Variants in ABCB1 observed in about 807,000 individuals in gnomAD.
ABCB1 encodes ATP binding cassette subfamily B member 1, also known as ATP-dependent translocase ABCB1.
In ABCB1, 69 loss-of-function variants were observed where a neutral mutation model predicts 142.0. The ratio of observed to expected loss-of-function variants is 0.49; its 90% CI spans 0.40 to 0.59. The LOEUF is 0.59. Among genes scored for constraint, ABCB1 ranks in the 20% least tolerant of loss-of-function variants. The pLI is 0.00. For synonymous variants in ABCB1, 532 were observed against 539.2 expected, an observed-to-expected ratio of 0.99 and a Z score of 0.18; for missense variants, 1,326 against 1,554.7, an observed-to-expected ratio of 0.85 and a Z score of 2.47.
chr7:87,507,676 C>T (rs753447487), intron 26 of ABCB1, among the ~76,000 whole-genome samples: 11 of 152,088 alleles, frequency 7.2e-5, no homozygotes, highest in Non-Finnish European at 1.6e-4. Flanking sequence ...TGTTGCTTGC[C>T]TGCCTCGTGA....
intron 1 of ABCB1, among the ~76,000 whole-genome samples, chr7:87,688,788 A>C (rs1827729416): frequency 6.6e-6 from 1 of 151,920 alleles, no homozygotes; most frequent in African/African-American, 2.4e-5. Flanking sequence ...CTTCTGTTTG[A>C]GTCATATTAT....
chr7:87,622,205 T>C (rs572208410), intron 1 of ABCB1, among the ~76,000 whole-genome samples: 2 of 152,256 alleles, frequency 1.3e-5, no homozygotes, highest in South Asian at 4.1e-4. Flanking sequence ...GGAAAAGTAT[T>C]TGCCATACAT....
chr7:87,680,216 T>C (rs1826789256), intron 1 of ABCB1, among the ~76,000 whole-genome samples: 2 of 150,480 alleles, frequency 1.3e-5, no homozygotes, highest in Non-Finnish European at 1.5e-5. Flanking sequence ...TCATCCCTTT[T>C]TGTGGCTGCG....
At chr7:87,639,301 C>A (rs1822194259) in intron 1 of ABCB1, among the ~76,000 whole-genome samples, 1 of 151,778 alleles carries the variant, frequency 6.6e-6, no homozygotes, top group African/African-American at 2.4e-5. Context: ...TTTGTTGATG[C>A]TTTATGATGC....
intron 5 of ABCB1, among the ~76,000 whole-genome samples, chr7:87,568,266 T>A (rs1160270119): frequency 2.1e-5 from 3 of 145,644 alleles, no homozygotes; most frequent in African/African-American, 7.7e-5. Context: ...ATAATAATAA[T>A]AAAAATTAGC....
chr7:87,506,867 C>G (rs28401817), intron 26 of ABCB1, among the ~76,000 whole-genome samples: 3 of 152,140 alleles, frequency 2.0e-5, no homozygotes, highest in African/African-American at 7.2e-5. Flanking sequence ...CCCTGGGTTT[C>G]CCCCTGTAAA....
At chr7:87,626,035 G>T (rs1402056954) in intron 1 of ABCB1, among the ~76,000 whole-genome samples, 2 of 145,152 alleles carry the variant, frequency 1.4e-5, no homozygotes, top group Admixed American at 6.9e-5. Context: ...GAGAGAGAGA[G>T]AGAGAGAGAG....
At position 87,538,384 on chromosome 7, in the gene ABCB1, A is replaced by G. The variant is rs185244500; in HGVS notation, c.2397+884T>C. On this transcript the variant is annotated intron_variant, in intron 19 of 27. Transcript: ENST00000622132. ...TCACTAGCTAGCAATTCCCATAAAT[A>G]CATTTTCTTTCTAAATGGTGATGGG... Among the ~76,000 whole-genome samples, 7 of 152,302 alleles carry G rather than the reference A, an allele frequency of 4.6e-5. No homozygotes were observed. The South Asian group carries it at 1.0e-3, about 23-fold the overall frequency.
intron 1 of ABCB1, among the ~76,000 whole-genome samples, chr7:87,679,638 C>A (rs1044672131): frequency 2.0e-5 from 3 of 150,360 alleles, no homozygotes; most frequent in Non-Finnish European, 4.4e-5. Context: ...GGTCCTCTCA[C>A]TTCAGCCTTT....
chr7:87,566,016 G>C (rs558168190), intron 7 of ABCB1, 54 bp downstream of exon 7: 2 of 1,586,842 alleles, frequency 1.3e-6, no homozygotes, highest in South Asian at 1.1e-5. Context: ...CGTAGGGTGA[G>C]AGCAGGAAGG....
rs1817201984 is a variant in ABCB1 at position 87,553,894 on chromosome 7, A to T, written c.866T>A (p.Ile289Lys). 1 of 1,613,918 alleles carries T rather than the reference A, an allele frequency of 6.2e-7. No individual in the cohort carries two copies. The highest frequency in any genetic ancestry group is 8.5e-7 in the Non-Finnish European group (1 of 1,179,934). Residue 289 changes from isoleucine to lysine, a missense_variant, in exon 9 of 28, where the codon ATA becomes AAA. Physicochemically the swap from Ile to Lys is moderately radical, Grantham distance 102. Coordinates refer to ENST00000622132, the MANE Select transcript of ABCB1 (RefSeq NM_001348946.2). ...KNLEEAKRIG[I>K]KKAITANISI... ...AATATTGGCTGTAATAGCTTTCTTT[A>T]TCCCAATTCTTTTAGCTTCTTCTAA... is the stretch of plus-strand genomic sequence containing the variant.
intron 17 of ABCB1, among the ~76,000 whole-genome samples, chr7:87,542,981 T>C (rs1371714456): frequency 1.3e-5 from 2 of 152,168 alleles, no homozygotes; most frequent in African/African-American, 2.4e-5. Flanking sequence ...ATTCTCGGAA[T>C]TTTTTCAACA....
intron 1 of ABCB1, among the ~76,000 whole-genome samples, chr7:87,644,232 T>C (rs1248935731): frequency 6.6e-6 from 1 of 152,210 alleles, no homozygotes; most frequent in Non-Finnish European, 1.5e-5. Context: ...GGCCTTCCAG[T>C]GAACAGATAT....
Position 87,534,940 on chromosome 7 carries a change from A to C in ABCB1, c.2481+1518T>G, listed in dbSNP as rs1310034954. Among the ~76,000 whole-genome samples the C allele has an allele frequency of 9.8e-5, 13 of 132,804 alleles. No individual in the cohort carries two copies. The East Asian group carries it at 2.3e-3, about 23-fold the overall frequency. The allele number at this position is 132,804 out of a possible 152,430, so 87.1% of individuals were successfully genotyped here. A position where few individuals can be genotyped will look rare whatever the true frequency, so the allele number is the denominator to read the frequency against. ...TTTAAAAAAAAAAAAAAAAAAAAAA[A>C]CTCCATTTTTTTTTCCACTGTGCAG... On this transcript the variant is annotated intron_variant, in intron 20 of 27. Coordinates refer to ENST00000622132, the MANE Select transcript of ABCB1 (RefSeq NM_001348946.2).
intron 21 of ABCB1, 113 bp from the exon 22 acceptor site, chr7:87,520,989 A>G: frequency 1.3e-6 from 1 of 794,876 alleles, no homozygotes; most frequent in Admixed American, 2.1e-5. Flanking sequence ...ATTTATTATT[A>G]TGTATGAGCA....
intron 13 of ABCB1, 106 bp from the exon 14 acceptor site, chr7:87,549,624 C>A: frequency 6.5e-7 from 1 of 1,537,290 alleles, no homozygotes; most frequent in South Asian, 1.1e-5. Flanking sequence ...ACAAGTAATA[C>A]AGGTCCAGTT....
At chr7:87,539,055 T>G (rs1355694762) in intron 19 of ABCB1, among the ~76,000 whole-genome samples, 5 of 152,198 alleles carry the variant, frequency 3.3e-5, no homozygotes, top group Non-Finnish European at 7.3e-5. Context: ...TGTCTCAAAC[T>G]GGTCCAGTTC....
intron 1 of ABCB1, among the ~76,000 whole-genome samples, chr7:87,611,857 C>A (rs1819866836): frequency 6.6e-6 from 1 of 152,024 alleles, no homozygotes; most frequent in Non-Finnish European, 1.5e-5. Flanking sequence ...GGCTTCTGCA[C>A]TCCAGTTCTA....
intron 3 of ABCB1, among the ~76,000 whole-genome samples, chr7:87,587,262 A>G (rs1256154895): frequency 6.6e-6 from 1 of 152,184 alleles, no homozygotes; most frequent in Non-Finnish European, 1.5e-5. Flanking sequence ...TTGATATGAA[A>G]AAATTTCTCC....
Sources: allele counts gnomAD v4.1 joint callset (sites outside exome capture counted in the v4.1 genomes callset), GRCh38; gene constraint gnomAD v4.1.1; transcripts MANE v1.5; gene names NCBI Gene and HGNC (gene_info 2026-07-23, HGNC 2026-07-21).